Variants in PCDHGA2 observed in about 807,000 individuals in gnomAD.
PCDHGA2 encodes protocadherin gamma-A2.
In PCDHGA2, 40 loss-of-function variants were observed where a neutral mutation model predicts 59.2. The observed-to-expected ratio is 0.68, with a 90% CI of 0.52 to 0.88. PCDHGA2 has a LOEUF of 0.88. Among genes scored for constraint, PCDHGA2 ranks in the 40% least tolerant of loss-of-function variants. The pLI is 0.00. For missense variants in PCDHGA2, 1,226 were observed against 1,204.0 expected (o/e 1.02, Z -0.27); for synonymous variants, 560 against 526.0 (o/e 1.06, Z -0.89).
rs768132114 is a variant in PCDHGA2 at position 141,489,845 on chromosome 5, G to A, written c.2425-4962G>A. 5 of 1,614,188 alleles carry A rather than the reference G, an allele frequency of 3.1e-6. No homozygotes were observed. The highest frequency in any genetic ancestry group is 2.2e-5 in the South Asian group (2 of 91,088). On this transcript the variant is annotated intron_variant, in intron 1 of 3. Transcript: ENST00000394576. This position sits in a 1 kb window ranked among gnomAD's most constrained non-coding sequence, Gnocchi z 4.5. ...CTGGTGCTAGAGCAGCAGCTGGATC[G>A]TGAAGCCCAGGCAAGACATCAGCTG...
At chr5:141,418,744 T>C in intron 1 of PCDHGA2, 1 of 1,613,936 alleles carries the variant, frequency 6.2e-7, no homozygotes, top group Non-Finnish European at 8.5e-7. Context: ...TCTCTCTGGA[T>C]TACACTACAG....
rs191165530 is a variant in PCDHGA2 at position 141,439,134 on chromosome 5, A to T, written c.2425-55673A>T. On this transcript the variant is annotated intron_variant, in intron 1 of 3. Coordinates refer to ENST00000394576, the MANE Select transcript of PCDHGA2 (RefSeq NM_018915.4). The stretch of plus-strand genomic sequence containing the variant: ...CTTGAACCCGGGAGACAGAGGTTGC[A>T]GTGAGCTGAGATCACGCCACTGCAC... Among the ~76,000 whole-genome samples the T allele has an allele frequency of 2.4e-3, 368 of 151,344 alleles. 1 individual carries two copies. Among genetic ancestry groups the T allele is most frequent in the African/African-American group, 8.5e-3 (349 of 41,216 alleles).
intron 1 of PCDHGA2, among the ~76,000 whole-genome samples, chr5:141,474,405 GT>G (rs2099348889): frequency 6.6e-6 from 1 of 152,196 alleles, no homozygotes; most frequent in African/African-American, 2.4e-5. Flanking sequence ...AAGCTCCCCG[GT>G]GATGCCTAGA....
At chr5:141,423,471 G>A in intron 1 of PCDHGA2, 1 of 1,614,052 alleles carries the variant, frequency 6.2e-7, no homozygotes, top group South Asian at 1.1e-5. Context: ...ACGGGGTACA[G>A]GCTTTCCTGC....
Position 141,360,552 on chromosome 5 carries a change from T to C in PCDHGA2, c.2424+19157T>C, listed in dbSNP as rs373703966. 24 of 1,613,850 alleles carry C rather than the reference T, an allele frequency of 1.5e-5. No individual in the cohort carries two copies. In the African/African-American group the frequency reaches 2.8e-4, roughly 19 times the overall value. Reference sequence around the variant, plus strand: ...CGCTATTCAAACAGACTAAGATTAATTTAAAAATTGGCGAATCCACTAAGC... The same window carrying C: ...CGCTATTCAAACAGACTAAGATTAACTTAAAAATTGGCGAATCCACTAAGC... On this transcript the variant is annotated intron_variant, in intron 1 of 3. Transcript: ENST00000394576.
At chr5:141,450,297 G>A (rs1414677718) in intron 1 of PCDHGA2, among the ~76,000 whole-genome samples, 3 of 151,838 alleles carry the variant, frequency 2.0e-5, no homozygotes, top group Non-Finnish European at 4.4e-5. Context: ...ACAGGCGTGA[G>A]CCACCATGTG....
intron 1 of PCDHGA2, among the ~76,000 whole-genome samples, chr5:141,483,631 T>C (rs973545851): frequency 2.7e-5 from 4 of 149,022 alleles, no homozygotes; most frequent in African/African-American, 1.0e-4. Flanking sequence ...TGGGAGAAGG[T>C]ATAGAGGGGT....
chr5:141,346,503 G>A lies in PCDHGA2; in HGVS notation c.2424+5108G>A, dbSNP rs1757762785. The A allele has an allele frequency of 1.9e-6, 3 of 1,610,358 alleles. No homozygotes were observed. The South Asian group carries it at 3.3e-5, about 18-fold the overall frequency. ...GATTATTAAGAACAAATATGAGAAT[G>A]TGGTTATTATAAAGCTTTAACACAT... is the stretch of plus-strand genomic sequence containing the variant. On this transcript the variant is annotated intron_variant, in intron 1 of 3. Coordinates refer to ENST00000394576, the MANE Select transcript of PCDHGA2 (RefSeq NM_018915.4).
intron 1 of PCDHGA2, chr5:141,430,744 C>T: frequency 6.7e-7 from 1 of 1,498,404 alleles, no homozygotes; most frequent in Non-Finnish European, 8.9e-7. Flanking sequence ...GAAAATAATT[C>T]TGGAGGAAGA....
At chr5:141,388,706 TGCC>T (rs2091460898) in intron 1 of PCDHGA2, 2 of 1,613,856 alleles carry the variant, frequency 1.2e-6, no homozygotes, top group Non-Finnish European at 1.7e-6. Flanking sequence ...AGGGTGTCAA[TGCC>T]GAGATTACTT....
At position 141,413,561 on chromosome 5, in the gene PCDHGA2, AT is replaced by A. The variant is rs1363955348; in HGVS notation, c.2424+72167del. The stretch of plus-strand genomic sequence containing the variant: ...TTTGGGATAGAAATAGAAGTAACTG[AT>A]ATCAATGACAATGCTCCAAAATTCC... On this transcript the variant is annotated intron_variant, in intron 1 of 3. Coordinates refer to ENST00000394576, the MANE Select transcript of PCDHGA2 (RefSeq NM_018915.4). The A allele has an allele frequency of 6.2e-6, 10 of 1,613,806 alleles. No individual in the cohort carries two copies. In the Admixed American group the frequency reaches 1.3e-4, roughly 22 times the overall value.
intron 1 of PCDHGA2, chr5:141,346,626 G>T: frequency 9.8e-7 from 1 of 1,022,914 alleles, no homozygotes; most frequent in Non-Finnish European, 1.4e-6. Context: ...TGCACTCCCC[G>T]GTCTGGTTAT....
chr5:141,494,778 CA>C (rs1228639033), intron 1 of PCDHGA2, 28 bp from the exon 2 acceptor site: 1 of 1,614,086 alleles, frequency 6.2e-7, no homozygotes, highest in Admixed American at 1.7e-5. Flanking sequence ...CACGGGTACT[CA>C]GCCCCTTTCC....
chr5:141,415,823 G>T (rs529200891), intron 1 of PCDHGA2: 1 of 1,316,022 alleles, frequency 7.6e-7, no homozygotes, highest in East Asian at 2.8e-5. Context: ...ATATCATAAG[G>T]CTTTGTTATG....
intron 1 of PCDHGA2, chr5:141,393,977 T>TA: frequency 6.2e-7 from 1 of 1,613,870 alleles, no homozygotes; most frequent in Non-Finnish European, 8.5e-7. Flanking sequence ...ACACACGTGA[T>TA]AATTTACCTT....
chr5:141,478,049 A>G, intron 1 of PCDHGA2: 2 of 1,614,056 alleles, frequency 1.2e-6, no homozygotes, highest in Middle Eastern at 3.3e-4. Flanking sequence ...GCAGACTCTC[A>G]CGGTCTTGAT....
intron 1 of PCDHGA2, chr5:141,375,799 C>T: frequency 6.2e-7 from 1 of 1,614,232 alleles, no homozygotes; most frequent in Non-Finnish European, 8.5e-7. Flanking sequence ...CAGACGGTTC[C>T]ACTGGCGTGG....
intron 1 of PCDHGA2, among the ~76,000 whole-genome samples, chr5:141,472,264 G>A (rs925973401): frequency 1.3e-4 from 20 of 152,068 alleles, no homozygotes; most frequent in African/African-American, 3.6e-4. Context: ...TATTATAGCC[G>A]GGCACAGTGG....
At chr5:141,357,751 C>T (rs921267826) in intron 1 of PCDHGA2, 33 of 1,131,562 alleles carry the variant, frequency 2.9e-5, no homozygotes, top group Non-Finnish European at 3.9e-5. Flanking sequence ...TTAAAGAAAA[C>T]TGGTGGATGA....
Sources: gnomAD v4.1 joint callset for allele counts (sites outside exome capture counted in the v4.1 genomes callset) on GRCh38, gnomAD v4.1.1 for gene constraint, Gnocchi (gnomAD v3.1) non-coding constraint, MANE v1.5 for transcripts, NCBI Gene and HGNC (gene_info 2026-07-23, HGNC 2026-07-21) for gene names.